AFF3: variants seen among roughly 807,000 people sequenced by gnomAD.
AFF3 encodes the protein ALF transcription elongation factor 3.
AFF3 carries 32 observed loss-of-function variants against 129.7 expected under a neutral mutation model. The ratio of observed to expected loss-of-function variants is 0.25; its 90% confidence interval spans 0.19 to 0.33. AFF3 has a LOEUF of 0.33. Ranked by LOEUF, AFF3 falls within the 10% of genes least tolerant of loss-of-function variation. The pLI is 1.00. For synonymous variants in AFF3, 644 were observed against 635.4 expected, an observed-to-expected ratio of 1.01 and a Z score of -0.20; for missense variants, 1,373 against 1,592.0, an observed-to-expected ratio of 0.86 and a Z score of 2.34.
At chr2:99,591,966 G>A (rs1447512098) in intron 15 of AFF3, among the ~76,000 whole-genome samples, 1 of 152,198 alleles carries the variant, frequency 6.6e-6, no homozygotes, top group African/African-American at 2.4e-5. Flanking sequence ...CATCTGTCAT[G>A]GGGACCTATA....
chr2:99,940,677 T>C (rs574453458), intron 7 of AFF3, among the ~76,000 whole-genome samples: 1 of 152,282 alleles, frequency 6.6e-6, no homozygotes, highest in South Asian at 2.1e-4. Flanking sequence ...ACCAAAAAAA[T>C]GGGCAACCAG....
intron 11 of AFF3, among the ~76,000 whole-genome samples, chr2:99,684,908 A>C (rs1199395229): frequency 6.6e-6 from 1 of 151,996 alleles, no homozygotes; most frequent in Non-Finnish European, 1.5e-5. Context: ...ATCTCAAAAA[A>C]ACTCACTATA....
intron 4 of AFF3, among the ~76,000 whole-genome samples, chr2:100,040,376 C>A (rs1412914052): frequency 3.9e-5 from 6 of 152,162 alleles, no homozygotes; most frequent in Non-Finnish European, 7.4e-5. Flanking sequence ...TTCCAACCAG[C>A]TGAGATACAA....
Position 99,546,942 on chromosome 2 carries a change from A to G in AFF3, c.*4532T>C, listed in dbSNP as rs1219297257. ...CTTCACTGGGACACTGGGAGCGTGC[A>G]TGTGCATACGTGCATGCATGTGCGC... is the stretch of plus-strand genomic sequence containing the variant. On this transcript the variant is annotated 3_prime_UTR_variant, in exon 25 of 25. Coordinates refer to ENST00000672756, the MANE Select transcript of AFF3 (RefSeq NM_001386135.1). 1 of 221,304 alleles carries G rather than the reference A, an allele frequency of 4.5e-6. No individual in the cohort carries two copies. Among genetic ancestry groups the G allele is most frequent in the Non-Finnish European group, 9.0e-6 (1 of 110,584 alleles). 13.7% of individuals were successfully genotyped at this position (221,304 alleles called of 1,614,324 possible).
intron 7 of AFF3, among the ~76,000 whole-genome samples, chr2:99,876,412 T>A (rs923790543): frequency 1.3e-5 from 2 of 152,132 alleles, no homozygotes; most frequent in Non-Finnish European, 1.5e-5. Flanking sequence ...CCTGGATCTG[T>A]CCCTCTCACA....
At chr2:99,759,613 C>T (rs1011494082) in intron 8 of AFF3, among the ~76,000 whole-genome samples, 11 of 152,066 alleles carry the variant, frequency 7.2e-5, no homozygotes, top group Admixed American at 2.6e-4. Context: ...CTACTAACTA[C>T]ATGAAGGAAT....
At chr2:99,902,306 C>A (rs890324096) in intron 7 of AFF3, among the ~76,000 whole-genome samples, 5 of 151,888 alleles carry the variant, frequency 3.3e-5, no homozygotes, top group African/African-American at 1.2e-4. Context: ...GGAAATAATT[C>A]TTTTTTATGG....
At chr2:99,945,795 C>A (rs1675505510) in intron 7 of AFF3, among the ~76,000 whole-genome samples, 1 of 152,156 alleles carries the variant, frequency 6.6e-6, no homozygotes, top group South Asian at 2.1e-4. Context: ...GAAAGTAAGC[C>A]ATGCTTATGG....
intron 7 of AFF3, among the ~76,000 whole-genome samples, chr2:99,944,367 T>G (rs1675357353): frequency 6.6e-6 from 1 of 152,342 alleles, no homozygotes; most frequent in Non-Finnish European, 1.5e-5. Context: ...TGGGTTGAAG[T>G]TGATTATATT....
chr2:99,845,441 T>C (rs1358035552), intron 7 of AFF3, among the ~76,000 whole-genome samples: 1 of 152,152 alleles, frequency 6.6e-6, no homozygotes, highest in Non-Finnish European at 1.5e-5. Context: ...CATGAAGAGA[T>C]GGGAGATGAG....
chr2:99,672,808 G>GT (rs1192995876), intron 11 of AFF3, among the ~76,000 whole-genome samples: 3 of 152,128 alleles, frequency 2.0e-5, no homozygotes, highest in Admixed American at 6.5e-5. Flanking sequence ...CCTCACAACA[G>GT]TCATCAGCTA....
chr2:99,813,954 A>C (rs1298158210), intron 8 of AFF3, among the ~76,000 whole-genome samples: 1 of 152,194 alleles, frequency 6.6e-6, no homozygotes, highest in Non-Finnish European at 1.5e-5. Context: ...TTTTCTGACT[A>C]AGAGCAAACA....
intron 4 of AFF3, among the ~76,000 whole-genome samples, chr2:100,087,162 T>C (rs1179976459): frequency 6.6e-6 from 1 of 152,196 alleles, no homozygotes; most frequent in African/African-American, 2.4e-5. Context: ...GAGCTTCAAA[T>C]GGACCACAAG....
intron 12 of AFF3, among the ~76,000 whole-genome samples, chr2:99,661,823 T>C (rs961163679): frequency 1.3e-5 from 2 of 152,224 alleles, no homozygotes; most frequent in African/African-American, 4.8e-5. Context: ...TTGCTTCTGG[T>C]GACAGTAAAA....
At chr2:99,831,652 C>T (rs539615650) in intron 8 of AFF3, among the ~76,000 whole-genome samples, 5 of 152,266 alleles carry the variant, frequency 3.3e-5, no homozygotes, top group African/African-American at 1.2e-4. Flanking sequence ...ACTTATTGTT[C>T]TATGTGATTC....
chr2:99,671,737 T>G (rs1687162554), intron 12 of AFF3, among the ~76,000 whole-genome samples: 1 of 152,154 alleles, frequency 6.6e-6, no homozygotes. Flanking sequence ...ATCACATGTA[T>G]CTAAACTTGA....
intron 1 of AFF3, among the ~76,000 whole-genome samples, chr2:100,133,028 A>C (rs895755575): frequency 1.3e-5 from 2 of 151,636 alleles, no homozygotes; most frequent in Non-Finnish European, 2.9e-5. Context: ...CTTGGGGCTC[A>C]AGTGATCCTT....
chr2:99,913,716 C>T (rs1163513728), intron 7 of AFF3, among the ~76,000 whole-genome samples: 2 of 151,942 alleles, frequency 1.3e-5, no homozygotes, highest in Non-Finnish European at 2.9e-5. Context: ...GATTCTAGAA[C>T]ATCTTGCTAT....
chr2:99,790,998 T>C (rs1049087296), intron 8 of AFF3, among the ~76,000 whole-genome samples: 2 of 152,182 alleles, frequency 1.3e-5, no homozygotes, highest in African/African-American at 4.8e-5. Context: ...ACACAAAACA[T>C]GAGTAAATCT....
Sources: gnomAD v4.1 joint callset for allele counts (sites outside exome capture counted in the v4.1 genomes callset) on GRCh38, gnomAD v4.1.1 for gene constraint, MANE v1.5 for transcripts, NCBI Gene and HGNC (gene_info 2026-07-23, HGNC 2026-07-21) for gene names.